The following DDX60 variants were observed in gnomAD, a reference collection of about 807,000 sequenced individuals.
The protein encoded by DDX60 is probable ATP-dependent RNA helicase DDX60.
Under a neutral mutation model 212.8 loss-of-function variants are expected in DDX60, and 165 were observed. The ratio of observed to expected loss-of-function variants is 0.78; its 90% CI spans 0.68 to 0.88. The LOEUF (loss-of-function observed/expected upper bound fraction) is 0.88. Among genes scored for constraint, DDX60 ranks in the 40% least tolerant of loss-of-function variants. The probability of loss-of-function intolerance (pLI) is 0.00; values close to 1 mark genes in which losing one functional copy is unlikely to be tolerated. For missense variants in DDX60, 1,905 were observed against 2,003.9 expected, an observed-to-expected ratio of 0.95 and a Z score of 0.94; for synonymous variants, 703 against 685.3, an observed-to-expected ratio of 1.03 and a Z score of -0.40.
At chr4:168,293,361 G>A (rs1037493489) in intron 7 of DDX60, among the ~76,000 whole-genome samples, 7 of 152,142 alleles carry the variant, frequency 4.6e-5, no homozygotes, top group East Asian at 3.9e-4. Context: ...TATTTAGTAC[G>A]TTTGGTTTGA....
chr4:168,251,028 C>A lies in DDX60; in HGVS notation c.3784G>T (p.Gly1262Ter), dbSNP rs756128279. ...AAACTCATAGCACTGTGATGATATCCAATACCCCTTTCTGCCAAGGCTTTC... is the reference window on the plus strand; with the variant it reads ...AAACTCATAGCACTGTGATGATATCAAATACCCCTTTCTGCCAAGGCTTTC... ...ELKALAERGI[G>*]YHHSAMSFKE... Residue 1262 changes from glycine to a stop codon, truncating the protein, a stop_gained, in exon 28 of 38, where the codon GGA (glycine) becomes TGA (stop). Transcript: ENST00000393743. LOFTEE classifies it high-confidence loss of function. 1 of 1,612,486 alleles carries A rather than the reference C, an allele frequency of 6.2e-7. No individual in the cohort carries two copies. Among genetic ancestry groups the A allele is most frequent in the Non-Finnish European group, 8.5e-7 (1 of 1,178,796 alleles).
At chr4:168,236,451 T>C in intron 32 of DDX60, 78 bp from the exon 33 acceptor site, 1 of 1,279,002 alleles carries the variant, frequency 7.8e-7, no homozygotes, top group East Asian at 2.6e-5. Context: ...GAATGTCATA[T>C]TACATTTAAT....
chr4:168,289,734 G>T (rs2149533445), intron 8 of DDX60, among the ~76,000 whole-genome samples: 1 of 152,202 alleles, frequency 6.6e-6, no homozygotes, highest in African/African-American at 2.4e-5. Context: ...CCCCACAAAT[G>T]CTCAAGCCAG....
intron 24 of DDX60, among the ~76,000 whole-genome samples, chr4:168,261,654 G>C (rs1007772099): frequency 1.3e-5 from 2 of 152,166 alleles, no homozygotes; most frequent in African/African-American, 4.8e-5. Flanking sequence ...AGACAGAGGA[G>C]TAAAACAATC....
At chr4:168,251,177 A>G (rs1412823702) in intron 27 of DDX60, 71 bp from the exon 28 acceptor site, 3 of 1,399,778 alleles carry the variant, frequency 2.1e-6, no homozygotes, top group South Asian at 2.6e-5. Context: ...AAATGAAAAT[A>G]ACATGCATAC....
At chr4:168,325,491 G>A in the DDX60 span, among the ~76,000 whole-genome samples, 1 of 152,124 alleles carries the variant, frequency 6.6e-6, no homozygotes, top group African/African-American at 2.4e-5. Context: ...AAATTCATAT[G>A]TGTATCTATG....
In DDX60 at chr4:168,308,003, T is replaced by C; in HGVS notation, c.264+3A>G. ...ATAAAAAAGAACTCAACTATCATGTTACCTTGAAGAAAACTATGGTGAATT... is the reference window on the plus strand; with the variant it reads ...ATAAAAAAGAACTCAACTATCATGTCACCTTGAAGAAAACTATGGTGAATT... On this transcript the variant is annotated splice_donor_region_variant and intron_variant, in intron 4 of 37. Coordinates refer to ENST00000393743, the MANE Select transcript of DDX60 (RefSeq NM_017631.6). 1.3e-6 allele frequency: 2 copies of C among 1,564,386 alleles called. No individual in the cohort carries two copies. Among genetic ancestry groups the C allele is most frequent in the Non-Finnish European group, 1.7e-6 (2 of 1,165,130 alleles).
At chr4:168,242,191 A>C (rs984992222) in intron 30 of DDX60, among the ~76,000 whole-genome samples, 10 of 152,220 alleles carry the variant, frequency 6.6e-5, no homozygotes, top group Non-Finnish European at 1.5e-5. Flanking sequence ...AGTTTGCTGC[A>C]GAGATGGGGC....
At chr4:168,257,288 G>A (rs1335816999) in intron 25 of DDX60, among the ~76,000 whole-genome samples, 5 of 151,748 alleles carry the variant, frequency 3.3e-5, no homozygotes, top group African/African-American at 9.7e-5. Context: ...CAGCCTGGGC[G>A]ACAGAGTAAA....
chr4:168,272,290 A>G, intron 18 of DDX60, 152 bp from the exon 19 acceptor site: 2 of 646,516 alleles, frequency 3.1e-6, no homozygotes, highest in Non-Finnish European at 5.2e-6. Context: ...GGGTTTCATC[A>G]AAACTGTGCT....
At chr4:168,276,836 T>C (rs1735362408) in intron 14 of DDX60, among the ~76,000 whole-genome samples, 1 of 152,254 alleles carries the variant, frequency 6.6e-6, no homozygotes, top group African/African-American at 2.4e-5. Flanking sequence ...AAAGGAAATG[T>C]AATACAGTTC....
intron 21 of DDX60, 30 bp from the exon 22 acceptor site, chr4:168,267,721 C>T (rs752649613): frequency 1.9e-5 from 29 of 1,536,540 alleles, no homozygotes; most frequent in Non-Finnish European, 2.4e-5. Flanking sequence ...ATTTCCACAT[C>T]AATGGAAATG....
intron 36 of DDX60, 42 bp downstream of exon 36, chr4:168,221,688 G>A: frequency 6.5e-7 from 1 of 1,540,434 alleles, no homozygotes; most frequent in Non-Finnish European, 8.8e-7. Flanking sequence ...TAGAGATGGA[G>A]ATGGGAGGAC....
At chr4:168,225,812 GT>G in intron 33 of DDX60, 136 bp from the exon 34 acceptor site, 1 of 814,524 alleles carries the variant, frequency 1.2e-6, no homozygotes. Flanking sequence ...TAATGTCACT[GT>G]TTCATTTTTT....
intron 14 of DDX60, among the ~76,000 whole-genome samples, chr4:168,277,480 A>C (rs1735391557): frequency 6.6e-6 from 1 of 152,180 alleles, no homozygotes; most frequent in Admixed American, 6.5e-5. Context: ...TTGATAAAAT[A>C]CAAAATTGTC....
chr4:168,303,779 C>T (rs1475878740), intron 5 of DDX60, among the ~76,000 whole-genome samples: 21 of 152,092 alleles, frequency 1.4e-4, no homozygotes, highest in African/African-American at 5.1e-4. Context: ...GTCAGGAGTT[C>T]GAGACCAGAC....
rs71873809 is a variant in DDX60, at chr4:168,312,728, A to AGATG, written c.-106-1364_-106-1363insCATC. ...AGATAGATATAGATGATGGATACAC[A>AGATG]GATAGATAGATAGATAGATATGATA... On this transcript the variant is annotated intron_variant, in intron 1 of 37. Coordinates refer to ENST00000393743, the MANE Select transcript of DDX60 (RefSeq NM_017631.6). Among the ~76,000 whole-genome samples the AGATG allele has an allele frequency of 5.1e-4, 33 of 64,906 alleles. No individual in the cohort carries two copies. The East Asian group carries it at 6.5e-3, about 13-fold the overall frequency. 42.6% of individuals were successfully genotyped at this position (64,906 alleles called of 152,430 possible).
At chr4:168,275,890 C>G in intron 15 of DDX60, 125 bp downstream of exon 15, 1 of 822,088 alleles carries the variant, frequency 1.2e-6, no homozygotes, top group South Asian at 2.7e-5. Flanking sequence ...AGTTGGGTTA[C>G]TACTAATAAT....
Position 168,275,357 on chromosome 4 carries a change from G to C in DDX60, c.2292C>G (p.Pro764=). The C allele has an allele frequency of 6.2e-7, 1 of 1,603,732 alleles. No individual in the cohort carries two copies. The highest frequency in any genetic ancestry group is 8.5e-7 in the Non-Finnish European group (1 of 1,175,418). The change falls in exon 16 of 38, where the codon CCC becomes CCG. Residue 764 remains proline (P), a synonymous_variant. Transcript: ENST00000393743. ...TTTGCAGTATTACCTGCCATGTGTC[G>C]GGAATAAAATCCTGGACCCTGGGAT... The part of the protein sequence containing the change: ...DPDPRVQDFI[P]DTWQRELLDV...
Sources: gnomAD v4.1 joint callset for allele counts (sites outside exome capture counted in the v4.1 genomes callset) on GRCh38, gnomAD v4.1.1 for gene constraint, MANE v1.5 for transcripts, NCBI Gene and HGNC (gene_info 2026-07-23, HGNC 2026-07-21) for gene names.